The following MECOM variants were observed in gnomAD, a reference collection of about 807,000 sequenced individuals.
MECOM encodes the protein histone-lysine N-methyltransferase MECOM.
Under a neutral mutation model 116.3 loss-of-function variants are expected in MECOM, and 13 were observed. The observed-to-expected ratio is 0.11, with a 90% confidence interval of 0.07 to 0.18. The LOEUF (loss-of-function observed/expected upper bound fraction) is 0.18. Ranked by LOEUF, MECOM falls within the 10% of genes least tolerant of loss-of-function variation. The probability of loss-of-function intolerance (pLI) is 1.00; values close to 1 mark genes in which losing one functional copy is unlikely to be tolerated. For missense variants in MECOM, 1,299 were observed against 1,509.0 expected, an observed-to-expected ratio of 0.86 and a Z score of 2.31; for synonymous variants, 528 against 535.2, an observed-to-expected ratio of 0.99 and a Z score of 0.19.
intron 1 of MECOM, among the ~76,000 whole-genome samples, chr3:169,463,682 T>G (rs1306792432): frequency 2.0e-5 from 3 of 152,204 alleles, no homozygotes; most frequent in African/African-American, 7.2e-5. Flanking sequence ...ACTTTGATAG[T>G]AAAACCTTAA....
chr3:169,122,562 C>G lies in MECOM; in HGVS notation c.978+18G>C. ...AGGATGACATAGAGAGGCCAAGTAG[C>G]CTACAAATTCACTGTACCTTGGCAC... is the stretch of plus-strand genomic sequence containing the variant. On this transcript the variant is annotated intron_variant, in intron 6 of 16. Coordinates refer to ENST00000651503, the MANE Select transcript of MECOM (RefSeq NM_004991.4). The G allele has an allele frequency of 6.2e-7, 1 of 1,613,734 alleles. No individual in the cohort carries two copies. The highest frequency in any genetic ancestry group is 8.5e-7 in the Non-Finnish European group (1 of 1,179,726).
intron 7 of MECOM, among the ~76,000 whole-genome samples, chr3:169,119,057 G>A (rs1434293783): frequency 6.6e-6 from 1 of 152,174 alleles, no homozygotes; most frequent in African/African-American, 2.4e-5. Context: ...AATATATTCA[G>A]CCTATTAGAG....
chr3:169,319,113 G>T (rs1041852820), intron 2 of MECOM, among the ~76,000 whole-genome samples: 1 of 146,284 alleles, frequency 6.8e-6, no homozygotes, highest in Non-Finnish European at 1.5e-5. Flanking sequence ...AAAAAAAAAA[G>T]ACACATGCAC....
At chr3:169,250,027 C>T (rs1481145155) in intron 2 of MECOM, among the ~76,000 whole-genome samples, 1 of 152,122 alleles carries the variant, frequency 6.6e-6, no homozygotes, top group Admixed American at 6.5e-5. Context: ...ACCACTCCAC[C>T]AACCCAATGG....
chr3:169,226,197 A>G (rs147446665), intron 2 of MECOM, among the ~76,000 whole-genome samples: 1 of 152,266 alleles, frequency 6.6e-6, no homozygotes, highest in African/African-American at 2.4e-5. Context: ...AAAGAGGTAA[A>G]ATAAATATTA....
At chr3:169,159,783 C>G (rs1358566890) in intron 2 of MECOM, among the ~76,000 whole-genome samples, 2 of 152,120 alleles carry the variant, frequency 1.3e-5, no homozygotes, top group Admixed American at 1.3e-4. Flanking sequence ...AGCCTGGATT[C>G]AAATCACAGC....
chr3:169,105,290 T>C (rs7615880), intron 10 of MECOM, among the ~76,000 whole-genome samples: 134,536 of 152,204 alleles, frequency 0.88, 59,592 homozygotes, highest in Admixed American at 0.9. Context: ...AGTTCTGTGA[T>C]CAACATCAGC....
At chr3:169,482,653 GAA>G (rs1461283956) in intron 1 of MECOM, among the ~76,000 whole-genome samples, 3 of 152,146 alleles carry the variant, frequency 2.0e-5, no homozygotes, top group Non-Finnish European at 2.9e-5. Flanking sequence ...CTAACAAGAT[GAA>G]GTCATGCATC....
chr3:169,645,091 A>G (rs1311835803), intron 1 of MECOM, among the ~76,000 whole-genome samples: 5 of 152,184 alleles, frequency 3.3e-5, no homozygotes, highest in African/African-American at 1.2e-4. Context: ...CTCAGGTGCA[A>G]CTGAACATAC....
intron 1 of MECOM, among the ~76,000 whole-genome samples, chr3:169,623,259 C>T (rs1770966371): frequency 6.6e-6 from 1 of 152,348 alleles, no homozygotes; most frequent in Non-Finnish European, 1.5e-5. Context: ...AAAAATAATA[C>T]TGAAAATGTA....
At chr3:169,638,443 C>T (rs2110014233) in intron 1 of MECOM, among the ~76,000 whole-genome samples, 1 of 152,278 alleles carries the variant, frequency 6.6e-6, no homozygotes, top group African/African-American at 2.4e-5. Context: ...CACCATGACC[C>T]TGAGAAGAAG....
intron 1 of MECOM, among the ~76,000 whole-genome samples, chr3:169,500,125 A>T (rs1178040569): frequency 6.6e-6 from 1 of 152,086 alleles, no homozygotes; most frequent in Non-Finnish European, 1.5e-5. Context: ...GTTTAAAATA[A>T]CTGAATAAAA....
chr3:169,368,230 A>G (rs1729510615), intron 2 of MECOM, among the ~76,000 whole-genome samples: 1 of 152,072 alleles, frequency 6.6e-6, no homozygotes, highest in Non-Finnish European at 1.5e-5. Context: ...TTTCGGTTAC[A>G]TCATGAAAGA....
intron 2 of MECOM, among the ~76,000 whole-genome samples, chr3:169,161,434 C>T (rs982137258): frequency 6.6e-6 from 1 of 151,986 alleles, no homozygotes; most frequent in Non-Finnish European, 1.5e-5. Context: ...GCCAACAGTT[C>T]AGAATTTAGA....
intron 1 of MECOM, among the ~76,000 whole-genome samples, chr3:169,487,526 G>A (rs1327563645): frequency 6.6e-6 from 1 of 152,086 alleles, no homozygotes; most frequent in African/African-American, 2.4e-5. Context: ...CAAATAGAAT[G>A]TAGGAGAGGG....
At chr3:169,197,296 A>C (rs1488107) in intron 2 of MECOM, among the ~76,000 whole-genome samples, 137,047 of 151,502 alleles carry the variant, frequency 0.9, 62,083 homozygotes, top group East Asian at 1. Context: ...AACCTGCACA[A>C]GTACTCCTGA....
chr3:169,200,513 C>T (rs1237122878), intron 2 of MECOM, among the ~76,000 whole-genome samples: 1 of 151,960 alleles, frequency 6.6e-6, no homozygotes, highest in East Asian at 1.9e-4. Flanking sequence ...GGAAACTTGT[C>T]ATTTAGCAGA....
At chr3:169,317,199 C>T (rs539869441) in intron 2 of MECOM, among the ~76,000 whole-genome samples, 1 of 152,168 alleles carries the variant, frequency 6.6e-6, no homozygotes, top group South Asian at 2.1e-4. Flanking sequence ...AAACTCCTTG[C>T]CAATTCTTAC....
intron 2 of MECOM, among the ~76,000 whole-genome samples, chr3:169,286,250 G>C (rs1228015878): frequency 1.3e-5 from 2 of 152,146 alleles, no homozygotes; most frequent in Non-Finnish European, 2.9e-5. Context: ...AAATGAGAGA[G>C]GGACCCAGTA....
Sources: gnomAD v4.1 joint callset for allele counts (sites outside exome capture counted in the v4.1 genomes callset) on GRCh38, gnomAD v4.1.1 for gene constraint, MANE v1.5 for transcripts, NCBI Gene and HGNC (gene_info 2026-07-23, HGNC 2026-07-21) for gene names.